The following AMY2B variants were observed in gnomAD, a reference collection of about 807,000 sequenced individuals.
AMY2B encodes alpha-amylase 2B.
Under a neutral mutation model 59.3 loss-of-function variants are expected in AMY2B, and 63 were observed. The observed-to-expected ratio is 1.06, with a 90% CI of 0.87 to 1.31. The LOEUF (loss-of-function observed/expected upper bound fraction) is 1.31, where lower values mean the gene tolerates loss of function less well. Among genes scored for constraint, AMY2B ranks in the 50% most tolerant of loss-of-function variants. AMY2B has a pLI of 0.00. For synonymous variants in AMY2B, 180 were observed against 198.1 expected (o/e 0.91, Z 0.77); for missense variants, 635 against 626.7 (o/e 1.01, Z -0.14).
intron 1 of AMY2B, among the ~76,000 whole-genome samples, chr1:103,559,258 T>C (rs770637452): frequency 6.6e-6 from 1 of 152,238 alleles, no homozygotes; most frequent in Non-Finnish European, 1.5e-5. Flanking sequence ...TGTTTAAATA[T>C]ATTTAGGTAC....
chr1:103,573,331 T>A lies in AMY2B; in HGVS notation c.513+71T>A, dbSNP rs1178920911. On this transcript the variant is annotated intron_variant, in intron 3 of 9. Coordinates refer to ENST00000684275, the MANE Select transcript of AMY2B (RefSeq NM_001387437.1). ...CTTTTCTTGTAGACATGTAGCTAAT[T>A]GAACTTCATTTTAAATACGAATTTA... 11 of 1,603,108 alleles carry A rather than the reference T, an allele frequency of 6.9e-6. No individual in the cohort carries two copies. The South Asian group carries it at 1.2e-4, about 18-fold the overall frequency.
At position 103,575,591 on chromosome 1, in the gene AMY2B, A is replaced by C. The variant is rs1291161101; in HGVS notation, c.1101+51A>C. ...TCCTTTTCTCAAGAAACAGAAGGCA[A>C]TCTTGTTCTAACTTAATATGACAAC... is the stretch of plus-strand genomic sequence containing the variant. On this transcript the variant is annotated intron_variant, in intron 7 of 9. Transcript: ENST00000684275. The C allele has an allele frequency of 6.9e-6, 11 of 1,605,040 alleles. No individual in the cohort carries two copies. In the East Asian group the frequency reaches 2.5e-4, roughly 36 times the overall value.
chr1:103,565,009 C>T (rs1023352711), intron 1 of AMY2B: 1 of 152,066 alleles, frequency 6.6e-6, no homozygotes. Flanking sequence ...ATCTGATTAA[C>T]CACCATTTTC....
chr1:103,566,144 T>A (rs1297844114), intron 2 of AMY2B, among the ~76,000 whole-genome samples: 2 of 152,170 alleles, frequency 1.3e-5, no homozygotes, highest in South Asian at 4.1e-4. Flanking sequence ...CCTATCTCTT[T>A]TCATTGATGT....
Position 103,575,315 on chromosome 1 carries a change from G to T in AMY2B, c.971G>T (p.Gly324Val), listed in dbSNP as rs200884633. The change falls in exon 6 of 10, where the codon GGA (glycine) becomes GTA (valine). Residue 324 changes from glycine to valine, a missense_variant. Coordinates refer to ENST00000684275, the MANE Select transcript of AMY2B (RefSeq NM_001387437.1). ...AATCAACGAGGACATGGGGCTGGAGGAGCCTCTATTCTTACCTTCTGGGAT... is the reference window on the plus strand; with the variant it reads ...AATCAACGAGGACATGGGGCTGGAGTAGCCTCTATTCTTACCTTCTGGGAT... ...HDNQRGHGAG[G>V]ASILTFWDAR... 1.2e-6 allele frequency: 2 copies of T among 1,613,514 alleles called. No individual in the cohort carries two copies. Among genetic ancestry groups the T allele is most frequent in the African/African-American group, 2.7e-5 (2 of 74,846 alleles).
At chr1:103,575,775 G>GAA in intron 7 of AMY2B, 1 of 459,080 alleles carries the variant, frequency 2.2e-6, no homozygotes, top group East Asian at 5.1e-5. Flanking sequence ...CTAGCCCACA[G>GAA]GAAAAAAAAA....
intron 1 of AMY2B, among the ~76,000 whole-genome samples, chr1:103,558,436 T>C (rs1166891740): frequency 6.6e-6 from 1 of 152,152 alleles, no homozygotes; most frequent in Non-Finnish European, 1.5e-5. Context: ...AAGAGAAGAA[T>C]AAATCATAGG....
At chr1:103,556,006 G>A (rs1651535680) in intron 1 of AMY2B, among the ~76,000 whole-genome samples, 2 of 152,124 alleles carry the variant, frequency 1.3e-5, no homozygotes, top group African/African-American at 2.4e-5. Context: ...ATGAAGGGCA[G>A]ATTATGGAGT....
Position 103,571,974 on chromosome 1 carries a change from A to T in AMY2B, c.169-136A>T. 1.9e-6 allele frequency: 3 copies of T among 1,543,940 alleles called. No individual in the cohort carries two copies. In the East Asian group the frequency reaches 6.9e-5, roughly 35 times the overall value. On this transcript the variant is annotated intron_variant, in intron 1 of 9. Coordinates refer to ENST00000684275, the MANE Select transcript of AMY2B (RefSeq NM_001387437.1). Reference sequence around the variant, plus strand: ...AATCTTTCTTCAACAAGAGCCCTCCAATGTGCTGTTAATATTTTCAAGAGA... The same window carrying T: ...AATCTTTCTTCAACAAGAGCCCTCCTATGTGCTGTTAATATTTTCAAGAGA...
chr1:103,567,125 A>G (rs1012162070), upstream of AMY2B, among the ~76,000 whole-genome samples: 31 of 152,278 alleles, frequency 2.0e-4, no homozygotes, highest in Middle Eastern at 3.4e-3. Flanking sequence ...CAGAGGAGCT[A>G]ACTATGCTTG....
intron 1 of AMY2B, among the ~76,000 whole-genome samples, chr1:103,555,843 T>C (rs914464645): frequency 1.3e-5 from 2 of 152,156 alleles, no homozygotes; most frequent in African/African-American, 2.4e-5. Flanking sequence ...ATTGATGATA[T>C]AGCAGGTTTG....
intron 2 of AMY2B, 65 bp from the exon 3 acceptor site, chr1:103,572,998 A>T (rs1652195758): frequency 1.9e-6 from 3 of 1,610,900 alleles, no homozygotes; most frequent in Non-Finnish European, 2.5e-6. Context: ...ATAAACTTGA[A>T]TCAATAATGC....
Position 103,579,319 on chromosome 1 carries a change from C to A in AMY2B, c.1355C>A (p.Ser452Tyr), listed in dbSNP as rs766587051. ...IVFNNDDWTF[S>Y]LTLQTGLPAG... is the part of the protein sequence containing the mutation. ...GAAATTTTATTTTACAGGACATTTT[C>A]TTTAACTTTGCAAACTGGTCTTCCT... The change falls in exon 10 of 10, where the codon TCT becomes TAT. Residue 452 changes from serine to tyrosine, a missense_variant. Transcript: ENST00000684275. 6.2e-7 allele frequency: 1 copy of A among 1,611,600 alleles called. No homozygotes were observed. The highest frequency in any genetic ancestry group is 8.5e-7 in the Non-Finnish European group (1 of 1,179,636).
At chr1:103,562,906 G>A (rs917115965) in intron 1 of AMY2B, among the ~76,000 whole-genome samples, 1 of 151,886 alleles carries the variant, frequency 6.6e-6, no homozygotes, top group African/African-American at 2.4e-5. Flanking sequence ...ATTTAAGTAG[G>A]CTTTGAGCTA....
intron 1 of AMY2B, among the ~76,000 whole-genome samples, chr1:103,562,974 C>T (rs1254623756): frequency 1.3e-5 from 2 of 151,956 alleles, no homozygotes; most frequent in African/African-American, 4.8e-5. Context: ...TACACTAGAG[C>T]CGTTTCCCTA....
intron 1 of AMY2B, among the ~76,000 whole-genome samples, chr1:103,557,409 G>C (rs1651591645): frequency 6.6e-6 from 1 of 152,110 alleles, no homozygotes; most frequent in Admixed American, 6.5e-5. Context: ...CCAGCACTTT[G>C]GGAGGCCAAC....
chr1:103,568,118 A>G (rs1651972128), upstream of AMY2B, among the ~76,000 whole-genome samples: 1 of 152,158 alleles, frequency 6.6e-6, no homozygotes, highest in African/African-American at 2.4e-5. Flanking sequence ...GTTATTTACT[A>G]ATATATTTTC....
rs528577839 is a variant in AMY2B, at chr1:103,578,908, C to T, written c.1347-403C>T. The stretch of plus-strand genomic sequence containing the variant: ...GGGAGATATACCTAATGCTAGATGA[C>T]GAGTTAGTGGGTGCAGCGCACCAGC... On this transcript the variant is annotated intron_variant, in intron 9 of 9. Coordinates refer to ENST00000684275, the MANE Select transcript of AMY2B (RefSeq NM_001387437.1). Among the ~76,000 whole-genome samples the T allele has an allele frequency of 1.4e-4, 22 of 151,760 alleles. 1 individual carries two copies. The East Asian group carries it at 2.7e-3, about 19-fold the overall frequency.
intron 3 of AMY2B, 125 bp downstream of exon 3, chr1:103,573,385 T>C: frequency 6.7e-7 from 1 of 1,497,412 alleles, no homozygotes. Context: ...GTTAACAGGT[T>C]TGACTACTTT....
Sources: gnomAD v4.1 joint callset for allele counts (sites outside exome capture counted in the v4.1 genomes callset) on GRCh38, gnomAD v4.1.1 for gene constraint, MANE v1.5 for transcripts, NCBI Gene and HGNC (gene_info 2026-07-23, HGNC 2026-07-21) for gene names.